Variants in DIAPH3 observed in about 807,000 individuals in gnomAD.
DIAPH3 encodes the protein protein diaphanous homolog 3.
In DIAPH3, 117 loss-of-function variants were observed where a neutral mutation model predicts 144.3. The ratio of observed to expected loss-of-function variants is 0.81; its 90% CI spans 0.70 to 0.95. The LOEUF is 0.95. DIAPH3 is among the 40% of genes least tolerant of loss of function. The pLI is 0.00. For synonymous variants in DIAPH3, 519 were observed against 488.9 expected (o/e 1.06, Z -0.81); for missense variants, 1,421 against 1,412.7 (o/e 1.01, Z -0.09).
chr13:60,059,882 C>T (rs760916188), intron 4 of DIAPH3, among the ~76,000 whole-genome samples: 1 of 151,938 alleles, frequency 6.6e-6, no homozygotes, highest in Non-Finnish European at 1.5e-5. Flanking sequence ...AAAGCCACAA[C>T]AAAACTTCAT....
chr13:59,811,183 A>G (rs541142126), intron 24 of DIAPH3, among the ~76,000 whole-genome samples: 3 of 152,272 alleles, frequency 2.0e-5, no homozygotes, highest in South Asian at 4.1e-4. Flanking sequence ...ACTACCTAAA[A>G]GGGAGATGGG....
chr13:60,026,420 G>C, intron 5 of DIAPH3, among the ~76,000 whole-genome samples: 1 of 152,212 alleles, frequency 6.6e-6, no homozygotes, highest in Middle Eastern at 3.4e-3. Flanking sequence ...TTTTTTAGCA[G>C]AAGAATACTT....
Position 59,879,284 on chromosome 13 carries a change from T to C in DIAPH3, c.2552A>G (p.Asn851Ser). 6.2e-7 allele frequency: 1 copy of C among 1,613,868 alleles called. No individual in the cohort carries two copies. Among genetic ancestry groups the C allele is most frequent in the Non-Finnish European group, 8.5e-7 (1 of 1,179,850 alleles). The change falls in exon 21 of 28, where the codon AAT (asparagine) becomes AGT (serine). Residue 851 changes from asparagine (N) to serine (S), a missense_variant. Asn to Ser is a conservative substitution (Grantham distance 46). Coordinates refer to ENST00000400324, the MANE Select transcript of DIAPH3 (RefSeq NM_001042517.2). ...GGTTTGAGCATTCCGGGAGCCAGCA[T>C]TCATGTAGTTTCCCATTAGCAATAC... ...ELVLLMGNYM[N>S]AGSRNAQTFG... is the part of the protein sequence containing the mutation.
chr13:59,796,288 T>G (rs2039598439), intron 25 of DIAPH3, among the ~76,000 whole-genome samples: 1 of 152,208 alleles, frequency 6.6e-6, no homozygotes, highest in African/African-American at 2.4e-5. Context: ...GGGAGGCCAC[T>G]CTACCTTTTA....
intron 20 of DIAPH3, among the ~76,000 whole-genome samples, chr13:59,881,241 G>A (rs1488128657): frequency 6.6e-6 from 1 of 151,864 alleles, no homozygotes; most frequent in East Asian, 1.9e-4. Context: ...TATGACACTG[G>A]TAACATGAAT....
intron 14 of DIAPH3, among the ~76,000 whole-genome samples, chr13:59,976,538 T>C (rs2050689670): frequency 1.3e-5 from 2 of 151,908 alleles, no homozygotes; most frequent in South Asian, 4.1e-4. Flanking sequence ...ATAGCATAAA[T>C]ACCTACAAAT....
intron 20 of DIAPH3, among the ~76,000 whole-genome samples, chr13:59,908,539 G>A (rs2046848430): frequency 6.6e-6 from 1 of 151,882 alleles, no homozygotes; most frequent in Non-Finnish European, 1.5e-5. Context: ...ATATCCTGGT[G>A]GAGCTACATC....
At chr13:59,692,428 C>A (rs1163324052) in intron 27 of DIAPH3, among the ~76,000 whole-genome samples, 1 of 147,320 alleles carries the variant, frequency 6.8e-6, no homozygotes, top group Non-Finnish European at 1.5e-5. Context: ...TCCCCCGACA[C>A]CAAATAAGGT....
intron 4 of DIAPH3, among the ~76,000 whole-genome samples, chr13:60,080,657 G>T (rs1463019706): frequency 6.6e-6 from 1 of 151,636 alleles, no homozygotes; most frequent in Non-Finnish European, 1.5e-5. Context: ...TCTTAAAAAT[G>T]GAATGAAATA....
chr13:60,084,968 T>C (rs1008038948), intron 4 of DIAPH3, among the ~76,000 whole-genome samples: 1 of 152,076 alleles, frequency 6.6e-6, no homozygotes, highest in Non-Finnish European at 1.5e-5. Flanking sequence ...TTTTTAAGTA[T>C]GTATAGAATT....
intron 22 of DIAPH3, among the ~76,000 whole-genome samples, chr13:59,850,468 G>A (rs1434389608): frequency 2.0e-5 from 3 of 151,602 alleles, no homozygotes; most frequent in East Asian, 3.9e-4. Flanking sequence ...GTCATAGACA[G>A]CTCTTATTAT....
chr13:59,926,410 CT>C (rs983533364), intron 17 of DIAPH3, among the ~76,000 whole-genome samples: 2 of 152,094 alleles, frequency 1.3e-5, no homozygotes, highest in African/African-American at 4.8e-5. Context: ...TCACTAAGTT[CT>C]TGATTTGAAA....
intron 27 of DIAPH3, among the ~76,000 whole-genome samples, chr13:59,741,272 A>G (rs1490110218): frequency 6.6e-6 from 1 of 152,220 alleles, no homozygotes; most frequent in Non-Finnish European, 1.5e-5. Flanking sequence ...TCTATAGAGA[A>G]CAAACACATA....
chr13:60,041,338 C>T (rs748772749), intron 5 of DIAPH3, among the ~76,000 whole-genome samples: 22 of 152,176 alleles, frequency 1.4e-4, no homozygotes, highest in Non-Finnish European at 2.1e-4. Context: ...TGCTAAACAG[C>T]GTGTCTGGTA....
rs375406851 is a variant in DIAPH3 at position 60,146,327 on chromosome 13, A to G, written c.181-13338T>C. Among the ~76,000 whole-genome samples, 488 of 152,330 alleles carry G rather than the reference A, an allele frequency of 3.2e-3. 2 individuals are homozygous for G. The highest frequency in any genetic ancestry group is 0.011 in the African/African-American group (456 of 41,574). Reference sequence around the variant, plus strand: ...CTGCCCTGAAGAAGTTTACAATCCAATAAGTTCTAGAGGAAAAAGAAATAA... The same window carrying G: ...CTGCCCTGAAGAAGTTTACAATCCAGTAAGTTCTAGAGGAAAAAGAAATAA... On this transcript the variant is annotated intron_variant, in intron 1 of 27. Coordinates refer to ENST00000400324, the MANE Select transcript of DIAPH3 (RefSeq NM_001042517.2).
chr13:59,848,560 TGC>T (rs2042800923), intron 22 of DIAPH3, among the ~76,000 whole-genome samples: 1 of 140,786 alleles, frequency 7.1e-6, no homozygotes, highest in South Asian at 2.4e-4. Flanking sequence ...AGTGAGAATA[TGC>T]GGTGTTTGGT....
At chr13:59,828,169 G>T (rs1471000553) in intron 24 of DIAPH3, among the ~76,000 whole-genome samples, 1 of 151,906 alleles carries the variant, frequency 6.6e-6, no homozygotes, top group East Asian at 1.9e-4. Flanking sequence ...CTGAACTTTT[G>T]TCTTCACTCA....
chr13:60,151,005 A>G (rs919803715), intron 1 of DIAPH3, among the ~76,000 whole-genome samples: 14 of 151,780 alleles, frequency 9.2e-5, no homozygotes, highest in South Asian at 2.1e-4. Context: ...AAGGGAATAT[A>G]TCCAGGCACC....
chr13:60,154,620 T>C (rs1951939033), intron 1 of DIAPH3, among the ~76,000 whole-genome samples: 1 of 152,188 alleles, frequency 6.6e-6, no homozygotes, highest in African/African-American at 2.4e-5. Flanking sequence ...ATAAAGACTA[T>C]TCAATTTGCT....
Sources: allele counts gnomAD v4.1 joint callset (sites outside exome capture counted in the v4.1 genomes callset), GRCh38; gene constraint gnomAD v4.1.1; transcripts MANE v1.5; gene names NCBI Gene and HGNC (gene_info 2026-07-23, HGNC 2026-07-21).